The following DNAH14 variants were observed in gnomAD, a reference collection of about 807,000 sequenced individuals.
DNAH14 encodes the protein dynein axonemal heavy chain 14.
Under a neutral mutation model 520.9 loss-of-function variants are expected in DNAH14, and 478 were observed. That is an observed-to-expected ratio of 0.92 (90% CI 0.85 to 0.99). The LOEUF (loss-of-function observed/expected upper bound fraction) is 0.99. DNAH14 is among the 50% of genes least tolerant of loss of function. The probability of loss-of-function intolerance (pLI) is 0.00; values close to 1 mark genes in which losing one functional copy is unlikely to be tolerated. For missense variants in DNAH14, 4,831 were observed against 5,234.5 expected (o/e 0.92, Z 2.38); for synonymous variants, 1,581 against 1,757.2 (o/e 0.90, Z 2.51).
At chr1:225,205,052 T>C (rs2087347512) in intron 39 of DNAH14, among the ~76,000 whole-genome samples, 1 of 152,150 alleles carries the variant, frequency 6.6e-6, no homozygotes, top group African/African-American at 2.4e-5. Flanking sequence ...ATCTTTTCAG[T>C]GGTTATCTAT....
At chr1:225,128,687 A>G (rs914633432) in intron 27 of DNAH14, among the ~76,000 whole-genome samples, 2 of 152,284 alleles carry the variant, frequency 1.3e-5, no homozygotes, top group East Asian at 1.9e-4. Context: ...AGAGCTATCT[A>G]TGACAAACCC....
At chr1:225,076,048 C>G (rs2072234467) in intron 17 of DNAH14, among the ~76,000 whole-genome samples, 1 of 151,744 alleles carries the variant, frequency 6.6e-6, no homozygotes, top group African/African-American at 2.4e-5. Context: ...TGGCATCTGC[C>G]TTGAGCTTGT....
chr1:225,357,730 TG>T (rs2095446340), intron 73 of DNAH14: 1 of 692,746 alleles, frequency 1.4e-6, no homozygotes, highest in African/African-American at 1.8e-5. Context: ...AAGGTAAAAA[TG>T]GCAACTTCCC....
Position 225,145,499 on chromosome 1 carries a change from A to C in DNAH14, c.4794+120A>C. Reference sequence around the variant, plus strand: ...TGAGACAAACATCAAGTATTAACAGAACTTTAAATGCTGTTACTTCTTTTA... The same window carrying C: ...TGAGACAAACATCAAGTATTAACAGCACTTTAAATGCTGTTACTTCTTTTA... On this transcript the variant is annotated intron_variant, in intron 30 of 85. Coordinates refer to ENST00000682510, the MANE Select transcript of DNAH14 (RefSeq NM_001367479.1). 6.7e-6 allele frequency: 5 copies of C among 747,406 alleles called. No homozygotes were observed. In the East Asian group the frequency reaches 9.0e-5, roughly 13 times the overall value. 46.3% of individuals were successfully genotyped at this position (747,406 alleles called of 1,614,324 possible).
intron 64 of DNAH14, among the ~76,000 whole-genome samples, chr1:225,330,084 A>G (rs964494099): frequency 6.6e-6 from 1 of 152,208 alleles, no homozygotes; most frequent in Admixed American, 6.5e-5. Flanking sequence ...GACAAATGCA[A>G]ATAAAAACTA....
At chr1:225,341,387 C>T (rs985245286) in intron 69 of DNAH14, among the ~76,000 whole-genome samples, 32 of 152,266 alleles carry the variant, frequency 2.1e-4, no homozygotes, top group African/African-American at 7.0e-4. Flanking sequence ...TTTGGGAGGC[C>T]GAAGCAGGTG....
rs1237362977 is a variant in DNAH14, at chr1:225,157,100, AT to A, written c.5274-2206del. ...AAGTGAATATGTCTTTGTAGGGGGC[AT>A]TTTTTTTCTTTTAAGGGAAAAAGGC... On this transcript the variant is annotated intron_variant, in intron 34 of 85. Coordinates refer to ENST00000682510, the MANE Select transcript of DNAH14 (RefSeq NM_001367479.1). 5.3e-5 allele frequency among the ~76,000 whole-genome samples: 8 copies of A among 151,826 alleles called. No individual in the cohort carries two copies. In the East Asian group the frequency reaches 1.2e-3, roughly 22 times the overall value.
In DNAH14 at chr1:225,188,367, G is replaced by A. The variant is rs768302510; in HGVS notation, c.5670+2942G>A. ...TGAGTACAGTACAATAAGGCATTTT[G>A]TGGGAAACAAAGATTACATTCATAT... On this transcript the variant is annotated intron_variant, in intron 37 of 85. Coordinates refer to ENST00000682510, the MANE Select transcript of DNAH14 (RefSeq NM_001367479.1). Among the ~76,000 whole-genome samples the A allele has an allele frequency of 1.5e-4, 23 of 151,962 alleles. No individual in the cohort carries two copies. The East Asian group carries it at 1.7e-3, about 11-fold the overall frequency.
At position 225,049,045 on chromosome 1, in the gene DNAH14, CTATTT is replaced by C. The variant is rs1267901154; in HGVS notation, c.1913-1163_1913-1159del. Reference sequence around the variant, plus strand: ...CCAAATGTCTTTTTAGATCTCTTGCCTATTTTTTTTTTTTTTTTTTTTTTTTTTTT... The same window carrying C: ...CCAAATGTCTTTTTAGATCTCTTGCCTTTTTTTTTTTTTTTTTTTTTTTTT... On this transcript the variant is annotated intron_variant, in intron 15 of 85. Transcript: ENST00000682510. Among the ~76,000 whole-genome samples, 394 of 86,980 alleles carry C rather than the reference CTATTT, an allele frequency of 4.5e-3. 7 individuals are homozygous for C. Among genetic ancestry groups the C allele is most frequent in the Middle Eastern group, 0.022 (3 of 136 alleles). The allele number at this position is 86,980 out of a possible 152,430, so 57.1% of individuals were successfully genotyped here.
chr1:225,044,364 G>A (rs1466454250), intron 15 of DNAH14, among the ~76,000 whole-genome samples: 1 of 152,098 alleles, frequency 6.6e-6, no homozygotes, highest in Non-Finnish European at 1.5e-5. Context: ...ATCTGAAATT[G>A]CAGGCAATTA....
rs752159228 is a variant in DNAH14 at position 225,206,076 on chromosome 1, G to A, written c.6083G>A (p.Ser2028Asn). The A allele has an allele frequency of 7.1e-6, 11 of 1,551,440 alleles. No individual in the cohort carries two copies. In the South Asian group the frequency reaches 8.3e-5, roughly 12 times the overall value. Residue 2028 changes from serine (S) to asparagine (N), a missense_variant, in exon 40 of 86, where the codon AGT becomes AAT. Physicochemically the swap from Ser to Asn is conservative, Grantham distance 46 (BLOSUM62 1). Coordinates refer to ENST00000682510, the MANE Select transcript of DNAH14 (RefSeq NM_001367479.1). ...DDTRTLCLANSERIALTNKIR... is the reference protein window; with the variant it reads ...DDTRTLCLANNERIALTNKIR... ...ACTAGAACATTGTGCCTAGCAAACA[G>A]TGAGAGAATAGCTTTAACTAATAAA...
At chr1:225,265,726 C>G (rs1290385653) in intron 48 of DNAH14, among the ~76,000 whole-genome samples, 11 of 152,026 alleles carry the variant, frequency 7.2e-5, no homozygotes, top group Non-Finnish European at 1.6e-4. Flanking sequence ...ATTTCAGGAG[C>G]TTTTAAGGGT....
At chr1:225,335,479 GCA>G (rs1412136139) in intron 66 of DNAH14, among the ~76,000 whole-genome samples, 1 of 76,766 alleles carries the variant, frequency 1.3e-5, no homozygotes, top group Non-Finnish European at 2.6e-5. Flanking sequence ...GTGTGTGTAT[GCA>G]CATATACACG....
intron 8 of DNAH14, among the ~76,000 whole-genome samples, chr1:224,986,465 A>G (rs540509613): frequency 2.0e-5 from 3 of 152,266 alleles, no homozygotes; most frequent in African/African-American, 7.2e-5. Context: ...TATCCCGGGG[A>G]TGCAAGGATA....
intron 23 of DNAH14, among the ~76,000 whole-genome samples, chr1:225,108,414 T>G (rs2076249401): frequency 6.6e-6 from 1 of 152,182 alleles, no homozygotes; most frequent in Non-Finnish European, 1.5e-5. Context: ...ATAAACTCCC[T>G]TTCATATATA....
At chr1:225,007,940 T>A (rs995087424) in intron 10 of DNAH14, among the ~76,000 whole-genome samples, 5 of 151,316 alleles carry the variant, frequency 3.3e-5, no homozygotes, top group African/African-American at 1.2e-4. Context: ...TTTTTTTTTT[T>A]ATACTTTAAG....
At chr1:225,035,509 G>T (rs12067892) in intron 11 of DNAH14, among the ~76,000 whole-genome samples, 14 of 146,370 alleles carry the variant, frequency 9.6e-5, no homozygotes, top group Non-Finnish European at 1.4e-4. Flanking sequence ...GTTTTTTTTT[G>T]TTTTTTTTTG....
chr1:225,366,555 C>T (rs539987110), intron 76 of DNAH14, among the ~76,000 whole-genome samples: 1 of 152,268 alleles, frequency 6.6e-6, no homozygotes, highest in South Asian at 2.1e-4. Context: ...AATATTTTCT[C>T]ATTTCTCCAC....
At chr1:225,246,790 A>G (rs1346674899) in intron 43 of DNAH14, among the ~76,000 whole-genome samples, 3 of 152,224 alleles carry the variant, frequency 2.0e-5, no homozygotes, top group Non-Finnish European at 4.4e-5. Context: ...GGGAGTGTAA[A>G]TTAGCTCAAT....
Sources: gnomAD v4.1 joint callset for allele counts (sites outside exome capture counted in the v4.1 genomes callset) on GRCh38, gnomAD v4.1.1 for gene constraint, MANE v1.5 for transcripts, NCBI Gene and HGNC (gene_info 2026-07-23, HGNC 2026-07-21) for gene names.